ADAMTS9: variants seen among roughly 807,000 people sequenced by gnomAD.
The protein encoded by ADAMTS9 is A disintegrin and metalloproteinase with thrombospondin motifs 9.
A neutral mutation model predicts 257.1 loss-of-function variants in ADAMTS9; 107 were observed. The observed-to-expected ratio is 0.42, with a 90% CI of 0.36 to 0.49. ADAMTS9 has a LOEUF of 0.49. Ranked by LOEUF, ADAMTS9 falls within the 20% of genes least tolerant of loss-of-function variation. ADAMTS9 has a pLI of 0.03. For missense variants in ADAMTS9, 2,353 were observed against 2,469.1 expected (o/e 0.95, Z 1.00); for synonymous variants, 982 against 880.9 (o/e 1.11, Z -2.03).
intron 16 of ADAMTS9, among the ~76,000 whole-genome samples, chr3:64,628,633 T>C (rs1393102261): frequency 6.6e-6 from 1 of 152,182 alleles, no homozygotes; most frequent in Non-Finnish European, 1.5e-5. Context: ...AATTGTCTTA[T>C]AAAGTTGTCA....
chr3:64,534,080 G>A (rs2083016737), intron 37 of ADAMTS9, among the ~76,000 whole-genome samples: 2 of 152,214 alleles, frequency 1.3e-5, no homozygotes, highest in Admixed American at 6.5e-5. Flanking sequence ...CAGTTTCAGA[G>A]CTAAAAATAT....
chr3:64,521,934 CAAAT>C (rs889129720), intron 39 of ADAMTS9, among the ~76,000 whole-genome samples: 21 of 152,210 alleles, frequency 1.4e-4, no homozygotes, highest in African/African-American at 3.9e-4. Flanking sequence ...AATCTAAAAG[CAAAT>C]AAATAAATAG....
chr3:64,578,888 T>G (rs763907745), intron 28 of ADAMTS9, among the ~76,000 whole-genome samples: 1 of 152,190 alleles, frequency 6.6e-6, no homozygotes, highest in Non-Finnish European at 1.5e-5. Context: ...TTGTGACCAC[T>G]GTCATCTGAG....
At chr3:64,647,865 C>T (rs757627039) in intron 11 of ADAMTS9, 75 bp downstream of exon 11, 56 of 1,244,920 alleles carry the variant, frequency 4.5e-5, no homozygotes, top group Non-Finnish European at 5.5e-5. Flanking sequence ...TTCTAAACAT[C>T]GGTGTCTGAT....
chr3:64,659,304 C>G (rs1701165868), intron 3 of ADAMTS9, among the ~76,000 whole-genome samples: 1 of 151,948 alleles, frequency 6.6e-6, no homozygotes, highest in African/African-American at 2.4e-5. Flanking sequence ...CCTGTCCTTA[C>G]CAAAAATACA....
chr3:64,606,588 T>C (rs935805759), intron 23 of ADAMTS9, among the ~76,000 whole-genome samples: 1 of 152,214 alleles, frequency 6.6e-6, no homozygotes, highest in Non-Finnish European at 1.5e-5. Context: ...AATTTATCAA[T>C]TGGCTCTTGT....
chr3:64,593,233 C>T (rs184586991), intron 28 of ADAMTS9, among the ~76,000 whole-genome samples: 18 of 152,230 alleles, frequency 1.2e-4, no homozygotes, highest in Non-Finnish European at 1.8e-4. Context: ...CCTGCAGACA[C>T]GACCCCAGCC....
rs1700650979 is a variant in ADAMTS9 at position 64,641,853 on chromosome 3, T to C, written c.1851A>G (p.Arg617=). 6.2e-7 allele frequency: 1 copy of C among 1,613,976 alleles called. No homozygotes were observed. Among genetic ancestry groups the C allele is most frequent in the Admixed American group, 1.7e-5 (1 of 59,994 alleles). The change falls in exon 12 of 40, where the codon AGA becomes AGG. Residue 617 remains arginine (R), a synonymous_variant. Coordinates refer to ENST00000498707, the MANE Select transcript of ADAMTS9 (RefSeq NM_182920.2). The part of the protein sequence containing the change: ...GIKTAIRECN[R]PEPKNGGKYC... ...TTATACATTCTAGGACTTACTCTGG[T>C]CTGTTGCACTCTCGAATGGCTGTTT...
chr3:64,607,967 T>C (rs1413394659), intron 22 of ADAMTS9, among the ~76,000 whole-genome samples: 1 of 151,990 alleles, frequency 6.6e-6, no homozygotes, highest in Non-Finnish European at 1.5e-5. Context: ...AAGAAATCGG[T>C]AATAGAAGAA....
intron 10 of ADAMTS9, among the ~76,000 whole-genome samples, chr3:64,648,516 C>A (rs1313108312): frequency 6.6e-6 from 1 of 152,252 alleles, no homozygotes; most frequent in South Asian, 2.1e-4. Context: ...TAGATCTATT[C>A]CATTTGCTAT....
intron 38 of ADAMTS9, among the ~76,000 whole-genome samples, chr3:64,527,927 A>T (rs1439852528): frequency 6.6e-6 from 1 of 152,192 alleles, no homozygotes; most frequent in Non-Finnish European, 1.5e-5. Context: ...TGTTTATTTC[A>T]GGTGCCTGAA....
chr3:64,622,274 A>C lies in ADAMTS9; in HGVS notation c.2610T>G (p.Ile870Met). 2.5e-6 allele frequency: 4 copies of C among 1,613,926 alleles called. No individual in the cohort carries two copies. Among genetic ancestry groups the C allele is most frequent in the Non-Finnish European group, 3.4e-6 (4 of 1,179,922 alleles). ...YNPDVRYSFN[I>M]PIEDKPQQFY... Reference sequence around the variant, plus strand: ...ACTGCTGAGGTTTATCTTCAATTGGAATATTGAAAGAATAGCGTACATCGG... The same window carrying C: ...ACTGCTGAGGTTTATCTTCAATTGGCATATTGAAAGAATAGCGTACATCGG... The change falls in exon 18 of 40, where the codon ATT becomes ATG. Residue 870 changes from isoleucine (I) to methionine (M), a missense_variant. By Grantham distance (10) the Ile-to-Met change is conservative (BLOSUM62 1). Transcript: ENST00000498707.
intron 12 of ADAMTS9, among the ~76,000 whole-genome samples, chr3:64,634,371 T>C (rs144654803): frequency 4.6e-4 from 70 of 152,352 alleles, no homozygotes; most frequent in African/African-American, 1.6e-3. Flanking sequence ...ACACCTCCAT[T>C]CATTCTGTCC....
Position 64,649,718 on chromosome 3 carries a change from G to A in ADAMTS9, c.1524C>T (p.Val508=). The change falls in exon 10 of 40, where the codon GTC becomes GTT. Residue 508 remains valine, a synonymous_variant. Transcript: ENST00000498707. The part of the protein sequence containing the change: ...EPESRPYPLP[V]QLPGILYNVN... ...CGTTGTAAAGGATGCCTGGCAGTTGGACAGGCAAAGGGTAGGGTCTGGATT... is the reference window on the plus strand; with the variant it reads ...CGTTGTAAAGGATGCCTGGCAGTTGAACAGGCAAAGGGTAGGGTCTGGATT... The A allele has an allele frequency of 6.2e-7, 1 of 1,614,050 alleles. No individual in the cohort carries two copies. The highest frequency in any genetic ancestry group is 8.5e-7 in the Non-Finnish European group (1 of 1,179,996).
At chr3:64,568,864 A>C in intron 28 of ADAMTS9, 1 of 239,466 alleles carries the variant, frequency 4.2e-6, no homozygotes, top group Non-Finnish European at 8.0e-6. Context: ...CCTACTATGA[A>C]ATAGTGATAT....
intron 3 of ADAMTS9, among the ~76,000 whole-genome samples, chr3:64,668,412 C>A (rs1289598610): frequency 1.4e-4 from 21 of 152,082 alleles, no homozygotes; most frequent in Admixed American, 1.4e-3. Context: ...GAGTGTATAC[C>A]AGAGACAGCG....
At chr3:64,644,910 G>T (rs931084977) in intron 11 of ADAMTS9, among the ~76,000 whole-genome samples, 5 of 152,110 alleles carry the variant, frequency 3.3e-5, no homozygotes, top group African/African-American at 7.2e-5. Context: ...CCTCATAGTT[G>T]CTTTTTAAAA....
intron 28 of ADAMTS9, among the ~76,000 whole-genome samples, chr3:64,584,569 T>A (rs1330826431): frequency 6.6e-6 from 1 of 152,042 alleles, no homozygotes; most frequent in Non-Finnish European, 1.5e-5. Flanking sequence ...CCAGATCTAC[T>A]CTTTACTTCC....
chr3:64,651,900 T>C (rs1030261063), intron 8 of ADAMTS9, among the ~76,000 whole-genome samples: 2 of 152,150 alleles, frequency 1.3e-5, no homozygotes, highest in African/African-American at 4.8e-5. Context: ...GAGAAGGCTA[T>C]GAAGGATTGC....
Sources: allele counts gnomAD v4.1 joint callset (sites outside exome capture counted in the v4.1 genomes callset), GRCh38; gene constraint gnomAD v4.1.1; transcripts MANE v1.5; gene names NCBI Gene and HGNC (gene_info 2026-07-23, HGNC 2026-07-21).